The following ATP7A variants were observed in gnomAD, a reference collection of about 807,000 sequenced individuals.
The protein encoded by ATP7A is copper-transporting ATPase 1.
Under a neutral mutation model 83.5 loss-of-function variants are expected in ATP7A, and 7 were observed. The observed-to-expected ratio is 0.08, with a 90% confidence interval of 0.05 to 0.16. The LOEUF is 0.16. ATP7A is among the 10% of genes least tolerant of loss of function. ATP7A has a pLI of 1.00. For synonymous variants in ATP7A, 354 were observed against 395.2 expected (o/e 0.90, Z 1.24); for missense variants, 940 against 1,120.8 (o/e 0.84, Z 2.30).
chrX:78,015,815 G>A lies in ATP7A; in HGVS notation c.2560G>A (p.Gly854Ser), dbSNP rs1557235087. Residue 854 changes from glycine (G) to serine (S), a missense_variant, in exon 12 of 23, where the codon GGC becomes AGC. Transcript: ENST00000341514. Reference sequence around the variant, plus strand: ...AGATATCATTAAAGTAGTTCCAGGAGGCAAATTTCCAGTGGATGGTCGTGT... The same window carrying A: ...AGATATCATTAAAGTAGTTCCAGGAAGCAAATTTCCAGTGGATGGTCGTGT... ...RGDIIKVVPG[G>S]KFPVDGRVIE... 2 of 1,211,441 alleles carry A rather than the reference G, an allele frequency of 1.7e-6. No individual in the cohort carries two copies. Among genetic ancestry groups the A allele is most frequent in the South Asian group, 3.5e-5 (2 of 57,008 alleles).
At chrX:77,920,219 ATT>A (rs782164386) in intron 1 of ATP7A, among the ~76,000 whole-genome samples, 2 of 93,997 alleles carry the variant, frequency 2.1e-5, no homozygotes, top group African/African-American at 3.9e-5. Flanking sequence ...ATGAGTACCC[ATT>A]TTTTTTTTTT....
At chrX:77,974,984 C>T (rs1388458278) in intron 2 of ATP7A, among the ~76,000 whole-genome samples, 2 of 112,650 alleles carry the variant, frequency 1.8e-5, no homozygotes, top group Non-Finnish European at 3.8e-5. Context: ...CCCACTAACT[C>T]GTCATCTAGC....
In ATP7A at chrX:78,011,246, T is replaced by C; in HGVS notation, c.1940T>C (p.Ile647Thr). ...SASHLDHKRE[I>T]RQWRRSFLVS... ...AGTCACTTAGATCATAAACGAGAAA[T>C]AAGACAGTAAGTACTTTGGAGTGTC... Residue 647 changes from isoleucine to threonine, a missense_variant, in exon 8 of 23, where the codon ATA becomes ACA. Physicochemically the swap from Ile to Thr is moderately conservative, Grantham distance 89. Coordinates refer to ENST00000341514, the MANE Select transcript of ATP7A (RefSeq NM_000052.7). 8.3e-7 allele frequency: 1 copy of C among 1,207,369 alleles called. No homozygotes were observed.
At position 78,009,149 on chromosome X, in the gene ATP7A, T is replaced by C; in HGVS notation, c.1755T>C (p.Ser585=). The change falls in exon 7 of 23, where the codon AGT becomes AGC. Residue 585 remains serine, a synonymous_variant. Transcript: ENST00000341514. The stretch of plus-strand genomic sequence containing the variant: ...CCTGCGTACATAAAATAGAGTCTAG[T>C]CTCACAAAACACAGAGGGATCCTAT... The part of the protein sequence containing the change: ...CASCVHKIES[S]LTKHRGILYC... 1 of 1,210,299 alleles carries C rather than the reference T, an allele frequency of 8.3e-7. No homozygotes were observed. Among genetic ancestry groups the C allele is most frequent in the Non-Finnish European group, 1.1e-6 (1 of 894,574 alleles).
intron 17 of ATP7A, 72 bp downstream of exon 17, chrX:78,033,893 C>T (rs1254928561): frequency 9.8e-7 from 1 of 1,023,158 alleles, no homozygotes; most frequent in East Asian, 3.0e-5. Flanking sequence ...TAACCCTGAA[C>T]TGTTATAGAA....
chrX:77,931,792 T>C (rs1461965502), intron 1 of ATP7A, among the ~76,000 whole-genome samples: 13 of 78,354 alleles, frequency 1.7e-4, no homozygotes, highest in African/African-American at 4.4e-4. Context: ...ACCTCCCTCC[T>C]GGACGGGGCG....
chrX:78,034,268 C>T (rs782459803), intron 17 of ATP7A, among the ~76,000 whole-genome samples: 1 of 111,569 alleles, frequency 9.0e-6, no homozygotes, highest in South Asian at 3.8e-4. Context: ...CTAGATCCCA[C>T]CCTCTCTTGA....
chrX:77,962,647 G>A lies in ATP7A; in HGVS notation c.-21-8974G>A, dbSNP rs191241179. 8.0e-6 allele frequency: 3 copies of A among 375,971 alleles called. No homozygotes were observed. The East Asian group carries it at 2.3e-4, about 28-fold the overall frequency. The allele number at this position is 375,971 out of a possible 1,213,427, so 31.0% of individuals were successfully genotyped here. A position where few individuals can be genotyped will look rare whatever the true frequency, so the allele number is the denominator to read the frequency against. On this transcript the variant is annotated intron_variant, in intron 1 of 22. Transcript: ENST00000341514. Reference sequence around the variant, plus strand: ...GACCCTTCTTCAGCATCTTCCCTGGGCATTGCTGTGAGTTTAGGCCGGCCC... The same window carrying A: ...GACCCTTCTTCAGCATCTTCCCTGGACATTGCTGTGAGTTTAGGCCGGCCC...
chrX:77,999,628 G>T lies in ATP7A; in HGVS notation c.1543+944G>T, dbSNP rs182682416. ...CATAAAGATATGTGATGATGGCCAG[G>T]CACGGTGACTCACACCTGTAATCCC... On this transcript the variant is annotated intron_variant, in intron 5 of 22. Coordinates refer to ENST00000341514, the MANE Select transcript of ATP7A (RefSeq NM_000052.7). 8.2e-3 allele frequency among the ~76,000 whole-genome samples: 919 copies of T among 111,693 alleles called. 13 individuals carry two copies. The highest frequency in any genetic ancestry group is 0.029 in the African/African-American group (882 of 30,769).
chrX:78,039,109 C>T (rs2078031860), intron 18 of ATP7A, 127 bp downstream of exon 18: 1 of 736,398 alleles, frequency 1.4e-6, no homozygotes, highest in Non-Finnish European at 2.0e-6. Flanking sequence ...ATGAAAATGT[C>T]AACAACACAT....
intron 1 of ATP7A, among the ~76,000 whole-genome samples, chrX:77,939,900 C>CAA (rs1214330241): frequency 2.9e-5 from 3 of 103,814 alleles, no homozygotes; most frequent in African/African-American, 7.0e-5. Context: ...CCCCCAAAAA[C>CAA]AAAAAAATAC....
In ATP7A at chrX:77,999,305, T is replaced by A. The variant is rs782788480; in HGVS notation, c.1543+621T>A. ...AGCCACCACACACGGCCCATAAATT[T>A]TCTTCTAAAGCTATGCCTAAAACTG... On this transcript the variant is annotated intron_variant, in intron 5 of 22. Coordinates refer to ENST00000341514, the MANE Select transcript of ATP7A (RefSeq NM_000052.7). Among the ~76,000 whole-genome samples, 111 of 111,543 alleles carry A rather than the reference T, an allele frequency of 1.0e-3. 1 individual carries two copies. Among genetic ancestry groups the A allele is most frequent in the Non-Finnish European group, 1.8e-3 (96 of 53,092 alleles).
At position 78,040,505 on chromosome X, in the gene ATP7A, C is replaced by A. The variant is rs1379175748; in HGVS notation, c.3659-86C>A. The A allele has an allele frequency of 4.7e-5, 53 of 1,119,323 alleles. No individual in the cohort carries two copies. In the African/African-American group the frequency reaches 5.8e-4, roughly 12 times the overall value. The allele number at this position is 1,119,323 out of a possible 1,213,427, so 92.2% of individuals were successfully genotyped here. ...CTGAACAACTTTACTTGAGAAAATTCATTTCATTCTGAAATTTCAAGTCAA... is the reference window on the plus strand; with the variant it reads ...CTGAACAACTTTACTTGAGAAAATTAATTTCATTCTGAAATTTCAAGTCAA... On this transcript the variant is annotated intron_variant, in intron 18 of 22. Transcript: ENST00000341514.
chrX:78,002,799 TACACACACACAC>T (rs781808445), intron 5 of ATP7A, among the ~76,000 whole-genome samples: 45 of 87,127 alleles, frequency 5.2e-4, no homozygotes, highest in Middle Eastern at 5.6e-3. Context: ...TATGTTCTTA[TACACACACACAC>T]ACACACACAC....
At position 78,046,282 on chromosome X, in the gene ATP7A, G is replaced by C; in HGVS notation, c.4227-12G>C. On this transcript the variant is annotated splice_polypyrimidine_tract_variant and intron_variant, in intron 22 of 22. Coordinates refer to ENST00000341514, the MANE Select transcript of ATP7A (RefSeq NM_000052.7). Reference sequence around the variant, plus strand: ...GGTTATTTGAAACTAGCATACTTTTGCATATGTCCAGTTACAGGAAACCAA... The same window carrying C: ...GGTTATTTGAAACTAGCATACTTTTCCATATGTCCAGTTACAGGAAACCAA... 7 of 1,210,086 alleles carry C rather than the reference G, an allele frequency of 5.8e-6. No homozygotes were observed. The highest frequency in any genetic ancestry group is 6.7e-6 in the Non-Finnish European group (6 of 894,388).
At chrX:77,947,898 C>T (rs2077390397) in intron 1 of ATP7A, among the ~76,000 whole-genome samples, 1 of 106,460 alleles carries the variant, frequency 9.4e-6, no homozygotes, top group Admixed American at 1.0e-4. Context: ...TGCCACCACA[C>T]CCAGCTAATT....
chrX:78,040,180 G>A (rs973916112), intron 18 of ATP7A, among the ~76,000 whole-genome samples: 9 of 94,829 alleles, frequency 9.5e-5, no homozygotes, highest in Non-Finnish European at 1.8e-4. Flanking sequence ...ACTATAAAGT[G>A]CCCATTTTGT....
At chrX:78,038,361 A>C (rs2149109376) in intron 17 of ATP7A, among the ~76,000 whole-genome samples, 1 of 110,694 alleles carries the variant, frequency 9.0e-6, no homozygotes, top group African/African-American at 3.3e-5. Flanking sequence ...ATAGCCACCT[A>C]GAAGAAATGG....
intron 6 of ATP7A, among the ~76,000 whole-genome samples, chrX:78,006,188 A>G (rs949407054): frequency 1.8e-5 from 2 of 112,436 alleles, no homozygotes; most frequent in Non-Finnish European, 3.8e-5. Context: ...CAAGATGCCA[A>G]CAGAGGAATT....
Sources: allele counts gnomAD v4.1 joint callset (sites outside exome capture counted in the v4.1 genomes callset), GRCh38; gene constraint gnomAD v4.1.1; transcripts MANE v1.5; gene names NCBI Gene and HGNC (gene_info 2026-07-23, HGNC 2026-07-21).